Variants in GABRR1 observed in about 807,000 individuals in gnomAD.
GABRR1 encodes gamma-aminobutyric acid type A receptor subunit rho1.
GABRR1 carries 59 observed loss-of-function variants against 55.5 expected under a neutral mutation model. The observed-to-expected ratio is 1.06, with a 90% CI of 0.86 to 1.32. GABRR1 has a LOEUF of 1.32. GABRR1 is among the 40% of genes most tolerant of loss of function. GABRR1 has a pLI of 0.00. For synonymous variants in GABRR1, 213 were observed against 226.0 expected (o/e 0.94, Z 0.51); for missense variants, 602 against 619.1 (o/e 0.97, Z 0.29).
chr6:89,208,886 A>G (rs1168806844), intron 1 of GABRR1, among the ~76,000 whole-genome samples: 1 of 152,244 alleles, frequency 6.6e-6, no homozygotes, highest in East Asian at 1.9e-4. Flanking sequence ...TGTTGCCTGC[A>G]GCCAAAGGGC....
chr6:89,219,224 C>CA (rs557768278), upstream of GABRR1, among the ~76,000 whole-genome samples: 10 of 152,278 alleles, frequency 6.6e-5, no homozygotes, highest in South Asian at 2.1e-3. Context: ...CGAGATCGCA[C>CA]CACTGCACTC....
chr6:89,215,649 G>A (rs1772959306), intron 1 of GABRR1, among the ~76,000 whole-genome samples: 1 of 152,054 alleles, frequency 6.6e-6, no homozygotes, highest in Admixed American at 6.5e-5. Context: ...ATTATATATT[G>A]CAAAAGTGCT....
At position 89,224,528 on chromosome 6, in the gene GABRR1, T is replaced by TC. The variant is rs1177803622; in HGVS notation, c.-410-3083dup. On this transcript the variant is annotated intron_variant, in intron 1 of 11. Coordinates refer to the GABRR1 transcript ENST00000369451. Reference sequence around the variant, plus strand: ...AGCCCACTTTTTTATGGAATTTTTTTCTCCTGTAATTTGTTTGAGTTTGTT... The same window carrying TC: ...AGCCCACTTTTTTATGGAATTTTTTTCCTCCTGTAATTTGTTTGAGTTTGTT... Among the ~76,000 whole-genome samples the TC allele has an allele frequency of 2.6e-5, 4 of 152,228 alleles. No individual in the cohort carries two copies. The East Asian group carries it at 7.7e-4, about 29-fold the overall frequency.
Position 89,198,025 on chromosome 6 carries a change from A to T in GABRR1, c.567T>A (p.Ser189Arg). The T allele has an allele frequency of 6.2e-7, 1 of 1,612,904 alleles. No homozygotes were observed. The highest frequency in any genetic ancestry group is 8.5e-7 in the Non-Finnish European group (1 of 1,178,944). ...TGATCTGCCTTTCTTCCTACCTGAGACTATAGAGCACTTTCCCATCAGGCT... is the reference window on the plus strand; with the variant it reads ...TGATCTGCCTTTCTTCCTACCTGAGTCTATAGAGCACTTTCCCATCAGGCT... ...RVQPDGKVLY[S>R]LRVTVTAMCN... is the part of the protein sequence containing the mutation. The change falls in exon 5 of 10, where the codon AGT (serine) becomes AGA (arginine). Residue 189 changes from serine to arginine, a missense_variant. This residue lies in a region of GABRR1 where 435 missense variants were observed against 424.2 expected (regional missense o/e 1.03). Transcript: ENST00000454853.
intron 1 of GABRR1, among the ~76,000 whole-genome samples, chr6:89,222,530 T>C (rs1259350684): frequency 6.6e-6 from 1 of 152,204 alleles, no homozygotes; most frequent in African/African-American, 2.4e-5. Context: ...TATAGTGTGC[T>C]TCCAAAGGAA....
intron 3 of GABRR1, among the ~76,000 whole-genome samples, chr6:89,200,455 C>G (rs1336954163): frequency 2.6e-5 from 4 of 151,878 alleles, no homozygotes; most frequent in Admixed American, 1.3e-4. Context: ...TACCATGTTA[C>G]CCAGGCTGGT....
chr6:89,186,704 G>A (rs1443762431), intron 6 of GABRR1, among the ~76,000 whole-genome samples: 1 of 152,208 alleles, frequency 6.6e-6, no homozygotes, highest in East Asian at 1.9e-4. Context: ...ATTTCAGTCT[G>A]GCTCTGCCAC....
At chr6:89,203,792 A>T (rs1034344243) in intron 1 of GABRR1, among the ~76,000 whole-genome samples, 18 of 152,142 alleles carry the variant, frequency 1.2e-4, no homozygotes, top group African/African-American at 4.3e-4. Context: ...GCTCTTAAGG[A>T]TGTGTACACT....
At chr6:89,225,795 G>T (rs1213778553) in intron 1 of GABRR1, among the ~76,000 whole-genome samples, 2 of 126,106 alleles carry the variant, frequency 1.6e-5, no homozygotes, top group Non-Finnish European at 3.4e-5. Flanking sequence ...TGGGATGGCT[G>T]GGTCAAATGG....
chr6:89,178,592 G>A lies in GABRR1; in HGVS notation c.*178C>T. The A allele has an allele frequency of 1.6e-6, 1 of 611,520 alleles. No individual in the cohort carries two copies. The highest frequency in any genetic ancestry group is 2.0e-5 in the South Asian group (1 of 49,462). 37.9% of individuals were successfully genotyped at this position (611,520 alleles called of 1,614,324 possible). A position where few individuals can be genotyped will look rare whatever the true frequency, so the allele number is the denominator to read the frequency against. ...TGTATTCAATAGATGGTTAATAAGTGCAAATTAAACCAGTAAGTGTCTCGT... is the reference window on the plus strand; with the variant it reads ...TGTATTCAATAGATGGTTAATAAGTACAAATTAAACCAGTAAGTGTCTCGT... On this transcript the variant is annotated 3_prime_UTR_variant, in exon 10 of 10. Coordinates refer to ENST00000454853, the MANE Select transcript of GABRR1 (RefSeq NM_002042.5).
intron 5 of GABRR1, among the ~76,000 whole-genome samples, chr6:89,196,022 T>A (rs1392372454): frequency 2.6e-5 from 4 of 152,202 alleles, no homozygotes; most frequent in Non-Finnish European, 4.4e-5. Context: ...GAGGACATAT[T>A]TCAGTATTTG....
chr6:89,227,658 C>T (rs374270298), intron 1 of GABRR1, among the ~76,000 whole-genome samples: 2 of 11,330 alleles, frequency 1.8e-4, no homozygotes, highest in Non-Finnish European at 3.5e-4. Context: ...CTGCTGGATT[C>T]GGTTTGCCAG....
At chr6:89,180,627 C>T in intron 8 of GABRR1, 139 bp from the exon 9 acceptor site, 1 of 1,018,638 alleles carries the variant, frequency 9.8e-7, no homozygotes, top group East Asian at 2.6e-5. Context: ...CAGCAAACAC[C>T]TACACATCTT....
intron 8 of GABRR1, 99 bp downstream of exon 8, chr6:89,181,806 G>C: frequency 8.3e-7 from 1 of 1,207,144 alleles, no homozygotes; most frequent in Non-Finnish European, 1.2e-6. Flanking sequence ...ACGCCAAAAG[G>C]GATACAGAAT....
At chr6:89,219,824 C>T (rs1562319174), upstream of GABRR1, among the ~76,000 whole-genome samples, 1 of 152,158 alleles carries the variant, frequency 6.6e-6, no homozygotes, top group Non-Finnish European at 1.5e-5. Context: ...GGTCCCTTAA[C>T]TAAATAATGA....
Position 89,217,223 on chromosome 6 carries a change from G to A in GABRR1, c.100C>T (p.His34Tyr), listed in dbSNP as rs201818217. 2 of 1,613,918 alleles carry A rather than the reference G, an allele frequency of 1.2e-6. No homozygotes were observed. Among genetic ancestry groups the A allele is most frequent in the East Asian group, 2.2e-5 (1 of 44,860 alleles). The change falls in exon 1 of 10, where the codon CAC becomes TAC. Residue 34 changes from histidine to tyrosine, a missense_variant. By Grantham distance (83) the His-to-Tyr change is moderately conservative. Coordinates refer to ENST00000454853, the MANE Select transcript of GABRR1 (RefSeq NM_002042.5). Reference protein sequence around the residue: ...SRMHWPGREVHEMSKKGRPQR... With the variant: ...SRMHWPGREVYEMSKKGRPQR... Reference sequence around the variant, plus strand: ...CACCTGCCTTTCTTAGACATCTCGTGGACTTCTCTTCCGGGCCAGTGCATT... The same window carrying A: ...CACCTGCCTTTCTTAGACATCTCGTAGACTTCTCTTCCGGGCCAGTGCATT...
chr6:89,185,426 A>T lies in GABRR1; in HGVS notation c.680T>A (p.Met227Lys). Residue 227 changes from methionine (M) to lysine (K), a missense_variant, in exon 7 of 10, where the codon ATG (methionine) becomes AAG (lysine). This residue lies in a region of GABRR1 where 435 missense variants were observed against 424.2 expected (regional missense o/e 1.03). Coordinates refer to ENST00000454853, the MANE Select transcript of GABRR1 (RefSeq NM_002042.5). Reference protein sequence around the residue: ...ESYAYTEDDLMLYWKKGNDSL... With the variant: ...ESYAYTEDDLKLYWKKGNDSL... ...GTCATTGCCCTTTTTCCAGTACAGCATGAGGTCATCTTCTGTATAGGCATC... is the reference window on the plus strand; with the variant it reads ...GTCATTGCCCTTTTTCCAGTACAGCTTGAGGTCATCTTCTGTATAGGCATC... 6.2e-7 allele frequency: 1 copy of T among 1,613,720 alleles called. No individual in the cohort carries two copies. Among genetic ancestry groups the T allele is most frequent in the South Asian group, 1.1e-5 (1 of 91,072 alleles).
intron 1 of GABRR1, among the ~76,000 whole-genome samples, chr6:89,230,851 C>G (rs1192340402): frequency 1.3e-5 from 2 of 149,488 alleles, no homozygotes; most frequent in Admixed American, 6.6e-5. Context: ...GGCGGGCACC[C>G]CTCCCCCAGC....
At position 89,198,209 on chromosome 6, in the gene GABRR1, C is replaced by A. The variant is rs952248379; in HGVS notation, c.383G>T (p.Trp128Leu). 6.2e-7 allele frequency: 1 copy of A among 1,614,058 alleles called. No individual in the cohort carries two copies. The highest frequency in any genetic ancestry group is 1.1e-5 in the South Asian group (1 of 91,076). ...FTMTLYLRHY[W>L]KDERLSFPST... ...TGGAAAAGACAGCCTCTCGTCCTTCCAGTAGTGCCTCAGGTAGAGGGTCAT... is the reference window on the plus strand; with the variant it reads ...TGGAAAAGACAGCCTCTCGTCCTTCAAGTAGTGCCTCAGGTAGAGGGTCAT... The change falls in exon 5 of 10, where the codon TGG becomes TTG. Residue 128 changes from tryptophan to leucine, a missense_variant. Trp to Leu is a moderately conservative substitution (Grantham distance 61, BLOSUM62 -2). Transcript: ENST00000454853.
Sources: allele counts gnomAD v4.1 joint callset (sites outside exome capture counted in the v4.1 genomes callset), GRCh38; gene constraint gnomAD v4.1.1; regional missense constraint gnomAD v4.1.1; transcripts MANE v1.5; gene names NCBI Gene and HGNC (gene_info 2026-07-23, HGNC 2026-07-21).